Variants in SDE2 observed in about 807,000 individuals in gnomAD.
The protein encoded by SDE2 is spliceosome associated SDE2.
A neutral mutation model predicts 46.9 loss-of-function variants in SDE2; 31 were observed. The ratio of observed to expected loss-of-function variants is 0.66; its 90% CI spans 0.50 to 0.89. The LOEUF is 0.89. Ranked by LOEUF, SDE2 falls within the 40% of genes least tolerant of loss-of-function variation. The probability of loss-of-function intolerance (pLI) is 0.00; values close to 1 mark genes in which losing one functional copy is unlikely to be tolerated. For missense variants in SDE2, 542 were observed against 564.4 expected (o/e 0.96, Z 0.40); for synonymous variants, 205 against 204.3 (o/e 1.00, Z -0.03).
At chr1:225,991,469 T>A in intron 4 of SDE2, 106 bp from the exon 5 acceptor site, 1 of 781,268 alleles carries the variant, frequency 1.3e-6, no homozygotes, top group Non-Finnish European at 2.0e-6. Flanking sequence ...GCTCCAGATT[T>A]AAATTTCTTA....
At chr1:225,990,705 T>A (rs1656379841) in intron 5 of SDE2, among the ~76,000 whole-genome samples, 1 of 152,136 alleles carries the variant, frequency 6.6e-6, no homozygotes, top group South Asian at 2.1e-4. Flanking sequence ...TATCTGTTTA[T>A]CCCCAAAGGG....
At chr1:225,991,169 T>C (rs1461209034) in intron 5 of SDE2, 74 bp downstream of exon 5, 6 of 1,487,206 alleles carry the variant, frequency 4.0e-6, no homozygotes, top group Non-Finnish European at 5.6e-6. Flanking sequence ...AATGTGTTTA[T>C]GCCAGATAAA....
chr1:225,991,137 C>T (rs1282489035), intron 5 of SDE2, 106 bp downstream of exon 5: 11 of 1,100,374 alleles, frequency 1.0e-5, no homozygotes, highest in Admixed American at 2.2e-5. Flanking sequence ...ATTTTCTGAG[C>T]TCCCACCAAA....
chr1:225,997,482 T>C (rs1656554613), intron 1 of SDE2, among the ~76,000 whole-genome samples: 1 of 152,168 alleles, frequency 6.6e-6, no homozygotes, highest in South Asian at 2.1e-4. Flanking sequence ...CAGTTTGGAG[T>C]GCAATGGCTC....
intron 5 of SDE2, 93 bp from the exon 6 acceptor site, chr1:225,988,481 A>G: frequency 7.3e-7 from 1 of 1,368,060 alleles, no homozygotes; most frequent in Non-Finnish European, 1.0e-6. Context: ...CTGTAATCCC[A>G]GGACTTTGGG....
rs979418159 is a variant in SDE2, at chr1:225,983,355, G to C, written c.*1947C>G. On this transcript the variant is annotated 3_prime_UTR_variant, in exon 7 of 7. Coordinates refer to ENST00000272091, the MANE Select transcript of SDE2 (RefSeq NM_152608.4). ...CATTAGGAAGACATAAGTTATTAGA[G>C]CTTCATACAAAAACTGGTAGAATTT... 6.6e-6 allele frequency: 1 copy of C among 152,122 alleles called. No homozygotes were observed. The highest frequency in any genetic ancestry group is 1.5e-5 in the Non-Finnish European group (1 of 68,016). The allele number at this position is 152,122 out of a possible 1,614,324, so 9.4% of individuals were successfully genotyped here.
At chr1:225,989,520 T>C (rs968170386) in intron 5 of SDE2, among the ~76,000 whole-genome samples, 2 of 150,324 alleles carry the variant, frequency 1.3e-5, no homozygotes, top group African/African-American at 4.9e-5. Context: ...TTCCAACTAC[T>C]GGGGAGGCTG....
chr1:225,985,302 T>C lies in SDE2; in HGVS notation c.1356A>G (p.Ter452TrpextTer11). 6.2e-7 allele frequency: 1 copy of C among 1,610,596 alleles called. No homozygotes were observed. The highest frequency in any genetic ancestry group is 8.5e-7 in the Non-Finnish European group (1 of 1,176,704). ...FAKPLKGKKK[*>W] Reference sequence around the variant, plus strand: ...AAATAGGAATCAGCTCTGATGATACTCATTTTTTCTTCCCTTTCAAAGGCT... The same window carrying C: ...AAATAGGAATCAGCTCTGATGATACCCATTTTTTCTTCCCTTTCAAAGGCT... Residue 452 changes from the stop codon to tryptophan (W), a stop_lost, in exon 7 of 7, where the codon TGA becomes TGG. Coordinates refer to ENST00000272091, the MANE Select transcript of SDE2 (RefSeq NM_152608.4).
At chr1:225,986,529 G>T (rs946184644) in intron 6 of SDE2, among the ~76,000 whole-genome samples, 1 of 151,856 alleles carries the variant, frequency 6.6e-6, no homozygotes, top group Non-Finnish European at 1.5e-5. Context: ...TAGATTTCTG[G>T]GAGTTAACCT....
At chr1:225,999,142 C>G in intron 1 of SDE2, 51 bp downstream of exon 1, 1 of 1,508,080 alleles carries the variant, frequency 6.6e-7, no homozygotes, top group South Asian at 1.1e-5. Context: ...GCACCCAGCG[C>G]TGCCACCTGT....
intron 1 of SDE2, among the ~76,000 whole-genome samples, chr1:225,998,018 T>C (rs953547162): frequency 6.6e-6 from 1 of 151,914 alleles, no homozygotes; most frequent in African/African-American, 2.4e-5. Context: ...TCCCAGCTAT[T>C]TGGGAGGCTG....
intron 2 of SDE2, among the ~76,000 whole-genome samples, chr1:225,993,914 C>T (rs181220011): frequency 2.0e-5 from 3 of 146,992 alleles, no homozygotes; most frequent in Admixed American, 7.0e-5. Flanking sequence ...GGATTACAGG[C>T]GTGTACCGAT....
rs767196123 is a variant in SDE2, at chr1:225,987,959, T to TA, written c.1070dup (p.Ala358SerfsTer3). ...CAACGTTTTCCCTTTCTTCAGGTGC[T>TA]ACCTCAGCAACTCTTTCCCCATCAG... On this transcript the variant is annotated frameshift_variant, in exon 6 of 7. Coordinates refer to ENST00000272091, the MANE Select transcript of SDE2 (RefSeq NM_152608.4). LOFTEE classifies it high-confidence loss of function. 3.1e-6 allele frequency: 5 copies of TA among 1,614,070 alleles called. No homozygotes were observed. Among genetic ancestry groups the TA allele is most frequent in the Non-Finnish European group, 4.2e-6 (5 of 1,179,924 alleles).
rs770116276 is a variant in SDE2 at position 225,987,910 on chromosome 1, G to A, written c.1120C>T (p.Gln374Ter). The A allele has an allele frequency of 1.2e-6, 2 of 1,611,662 alleles. No homozygotes were observed. The highest frequency in any genetic ancestry group is 4.5e-5 in the East Asian group (2 of 44,874). Residue 374 changes from glutamine to a stop codon, truncating the protein, a stop_gained, in exon 6 of 7, where the codon CAG (glutamine) becomes TAG (stop). Coordinates refer to ENST00000272091, the MANE Select transcript of SDE2 (RefSeq NM_152608.4). LOFTEE classifies it low-confidence loss of function (END_TRUNC). ...AACATACTTACTGCGTTTCCTGGCTGGCTTTCCTGCAGTTTGGCAACGGCA... is the reference window on the plus strand; with the variant it reads ...AACATACTTACTGCGTTTCCTGGCTAGCTTTCCTGCAGTTTGGCAACGGCA... ...NVAVAKLQES[Q>*]PGNAVIDKET...
rs1316297419 is a variant in SDE2 at position 225,983,510 on chromosome 1, C to T, written c.*1792G>A. ...AATACTATCAACCACTTAATCTCATCGATATTACAAAACATATTAACCCAA... is the reference window on the plus strand; with the variant it reads ...AATACTATCAACCACTTAATCTCATTGATATTACAAAACATATTAACCCAA... On this transcript the variant is annotated 3_prime_UTR_variant, in exon 7 of 7. Transcript: ENST00000272091. 6.6e-6 allele frequency: 1 copy of T among 152,168 alleles called. No homozygotes were observed. The highest frequency in any genetic ancestry group is 6.5e-5 in the Admixed American group (1 of 15,274). The allele number at this position is 152,168 out of a possible 1,614,324, so 9.4% of individuals were successfully genotyped here. A position where few individuals can be genotyped will look rare whatever the true frequency, so the allele number is the denominator to read the frequency against.
At chr1:225,998,159 A>G (rs559587113) in intron 1 of SDE2, among the ~76,000 whole-genome samples, 1 of 152,310 alleles carries the variant, frequency 6.6e-6, no homozygotes, top group Admixed American at 6.5e-5. Flanking sequence ...AGAACACTGT[A>G]CTCATGAAAT....
chr1:225,986,809 T>C (rs555548490), intron 6 of SDE2, among the ~76,000 whole-genome samples: 1 of 152,290 alleles, frequency 6.6e-6, no homozygotes, highest in African/African-American at 2.4e-5. Context: ...AAAATTCCAA[T>C]AGTCTCACCA....
intron 4 of SDE2, 75 bp from the exon 5 acceptor site, chr1:225,991,438 CAA>C (rs1656399943): frequency 1.7e-6 from 2 of 1,193,938 alleles, no homozygotes; most frequent in Admixed American, 2.1e-5. Flanking sequence ...ACATGGATTG[CAA>C]AAAGAGCTGC....
chr1:225,998,155 C>CT (rs1558086378), intron 1 of SDE2, among the ~76,000 whole-genome samples: 1 of 152,122 alleles, frequency 6.6e-6, no homozygotes, highest in Non-Finnish European at 1.5e-5. Flanking sequence ...GAAAAGAACA[C>CT]TGTACTCATG....
Sources: gnomAD v4.1 joint callset for allele counts (sites outside exome capture counted in the v4.1 genomes callset) on GRCh38, gnomAD v4.1.1 for gene constraint, MANE v1.5 for transcripts, NCBI Gene and HGNC (gene_info 2026-07-23, HGNC 2026-07-21) for gene names.